Variants in TSPEAR observed in about 807,000 individuals in gnomAD.
TSPEAR encodes the protein thrombospondin type laminin G domain and EAR repeats.
A neutral mutation model predicts 71.6 loss-of-function variants in TSPEAR; 69 were observed. The ratio of observed to expected loss-of-function variants is 0.96; its 90% CI spans 0.79 to 1.18. The LOEUF (loss-of-function observed/expected upper bound fraction) is 1.18, where lower values mean the gene tolerates loss of function less well. Among genes scored for constraint, TSPEAR ranks in the 50% most tolerant of loss-of-function variants. TSPEAR has a pLI of 0.00. For missense variants in TSPEAR, 971 were observed against 894.9 expected, an observed-to-expected ratio of 1.09 and a Z score of -1.09; for synonymous variants, 402 against 387.2, an observed-to-expected ratio of 1.04 and a Z score of -0.45.
At chr21:44,677,613 G>C in intron 1 of TSPEAR, 1 of 1,115,702 alleles carries the variant, frequency 9.0e-7, no homozygotes. Context: ...AGGGTGATCA[G>C]TTTTTAAAGA....
chr21:44,674,679 G>A (rs138318679), intron 1 of TSPEAR, among the ~76,000 whole-genome samples: 2 of 151,588 alleles, frequency 1.3e-5, no homozygotes, highest in Non-Finnish European at 2.9e-5. Context: ...ACCACACCAC[G>A]ACTGGGTCAT....
intron 1 of TSPEAR, among the ~76,000 whole-genome samples, chr21:44,572,353 G>A (rs233281): frequency 0.21 from 31,314 of 152,126 alleles, 3,631 homozygotes; most frequent in Non-Finnish European, 0.25. Context: ...ACAGAGCAGC[G>A]CTGCTTTCTC....
intron 1 of TSPEAR, chr21:44,676,511 C>T (rs1986319554): frequency 1.3e-6 from 1 of 780,218 alleles, no homozygotes; most frequent in Non-Finnish European, 2.3e-6. Context: ...CTGAGTCTGG[C>T]ATAGGCGGTA....
At chr21:44,598,833 T>C (rs952023880) in intron 1 of TSPEAR, among the ~76,000 whole-genome samples, 3 of 152,220 alleles carry the variant, frequency 2.0e-5, no homozygotes, top group Admixed American at 6.5e-5. Flanking sequence ...TCCCCTTTCA[T>C]AGTTACTGTA....
At chr21:44,620,004 A>G (rs587660347) in intron 1 of TSPEAR, among the ~76,000 whole-genome samples, 5 of 152,390 alleles carry the variant, frequency 3.3e-5, no homozygotes, top group South Asian at 2.1e-4. Context: ...AAACACATCA[A>G]TCTAACTCAG....
intron 2 of TSPEAR, among the ~76,000 whole-genome samples, chr21:44,544,327 C>T (rs233322): frequency 0.25 from 37,860 of 151,734 alleles, 5,256 homozygotes; most frequent in East Asian, 0.38. Context: ...CTTTTAGGGG[C>T]TAGGGTGGGG....
intron 1 of TSPEAR, chr21:44,677,848 G>A: frequency 7.6e-7 from 1 of 1,317,882 alleles, no homozygotes; most frequent in Non-Finnish European, 1.1e-6. Context: ...TCTGAGTAAG[G>A]TATGGTTTTC....
intron 1 of TSPEAR, chr21:44,573,687 G>A: frequency 6.4e-7 from 1 of 1,567,766 alleles, no homozygotes; most frequent in Non-Finnish European, 8.7e-7. Context: ...ACAAACCCGA[G>A]CACCTCACTC....
intron 9 of TSPEAR, among the ~76,000 whole-genome samples, chr21:44,513,990 G>A (rs963811349): frequency 7.9e-5 from 12 of 152,136 alleles, no homozygotes; most frequent in Admixed American, 6.5e-4. Context: ...ACTCTTGGGT[G>A]CCCCCCGTGC....
Position 44,612,292 on chromosome 21 carries a change from C to G in TSPEAR, c.83-44287G>C, listed in dbSNP as rs782028336. 1.2e-6 allele frequency: 2 copies of G among 1,613,456 alleles called. No homozygotes were observed. Among genetic ancestry groups the G allele is most frequent in the African/African-American group, 2.7e-5 (2 of 74,926 alleles). On this transcript the variant is annotated intron_variant, in intron 1 of 11. Coordinates refer to ENST00000323084, the MANE Select transcript of TSPEAR (RefSeq NM_144991.3). The surrounding 1 kb of genome is among the most constrained non-coding windows in gnomAD (Gnocchi z 4.1). ...GTGCCTCCAGCTGCTGTACCCCTAGCTGCTGTGCCCCAGCCCCCTGCCTGG... is the reference window on the plus strand; with the variant it reads ...GTGCCTCCAGCTGCTGTACCCCTAGGTGCTGTGCCCCAGCCCCCTGCCTGG...
intron 1 of TSPEAR, among the ~76,000 whole-genome samples, chr21:44,664,449 A>G (rs587735065): frequency 6.6e-6 from 1 of 152,240 alleles, no homozygotes; most frequent in African/African-American, 2.4e-5. Context: ...AAATAAATAG[A>G]CCATGTTATG....
intron 9 of TSPEAR, among the ~76,000 whole-genome samples, chr21:44,511,841 A>C (rs2052390230): frequency 6.6e-6 from 1 of 152,102 alleles, no homozygotes; most frequent in Non-Finnish European, 1.5e-5. Context: ...GTGATGGGGG[A>C]CCCCGAGCTG....
chr21:44,520,345 T>C lies in TSPEAR; in HGVS notation c.1566+1538A>G, dbSNP rs2052709169. ...CCCAACTTTCCCAGCCCTCACTTCC[T>C]CCTGGTGAGGGCTGGGAAAGTGGGG... On this transcript the variant is annotated intron_variant, in intron 9 of 11. Coordinates refer to ENST00000323084, the MANE Select transcript of TSPEAR (RefSeq NM_144991.3). This position sits in a 1 kb window ranked among gnomAD's most constrained non-coding sequence, Gnocchi z 4.2. 6.6e-6 allele frequency: 1 copy of C among 151,770 alleles called. No individual in the cohort carries two copies. The highest frequency in any genetic ancestry group is 2.1e-4 in the South Asian group (1 of 4,804). The allele number at this position is 151,770 out of a possible 1,614,324, so 9.4% of individuals were successfully genotyped here. A position where few individuals can be genotyped will look rare whatever the true frequency, so the allele number is the denominator to read the frequency against.
In TSPEAR at chr21:44,525,818, A is replaced by T; in HGVS notation, c.1171T>A (p.Phe391Ile). 1 of 1,614,034 alleles carries T rather than the reference A, an allele frequency of 6.2e-7. No individual in the cohort carries two copies. Among genetic ancestry groups the T allele is most frequent in the Non-Finnish European group, 8.5e-7 (1 of 1,180,020 alleles). Reference sequence around the variant, plus strand: ...TCCTGACCCTTCTCATCTGGTTCAAAATTAGCCACTGCCAGGAAGATCTGA... The same window carrying T: ...TCCTGACCCTTCTCATCTGGTTCAATATTAGCCACTGCCAGGAAGATCTGA... Reference protein sequence around the residue: ...GKKIFLAVANFEPDEKGQEFS... With the variant: ...GKKIFLAVANIEPDEKGQEFS... The change falls in exon 8 of 12, where the codon TTT becomes ATT. Residue 391 changes from phenylalanine (F) to isoleucine (I), a missense_variant. Physicochemically the swap from Phe to Ile is conservative, Grantham distance 21. Coordinates refer to ENST00000323084, the MANE Select transcript of TSPEAR (RefSeq NM_144991.3).
intron 8 of TSPEAR, among the ~76,000 whole-genome samples, chr21:44,525,217 GTCAA>G (rs1197639760): frequency 7.2e-5 from 11 of 152,240 alleles, no homozygotes; most frequent in East Asian, 1.9e-4. Flanking sequence ...CATTCAGGTC[GTCAA>G]TCAGTCAGTC....
chr21:44,649,960 G>T (rs1390042273), intron 1 of TSPEAR, among the ~76,000 whole-genome samples: 2 of 152,212 alleles, frequency 1.3e-5, no homozygotes, highest in Non-Finnish European at 2.9e-5. Flanking sequence ...CGTGGCGCAT[G>T]CCTGTAATCT....
chr21:44,657,119 C>A (rs781902435), intron 1 of TSPEAR, among the ~76,000 whole-genome samples: 1 of 152,086 alleles, frequency 6.6e-6, no homozygotes, highest in South Asian at 2.1e-4. Flanking sequence ...TCCTCACAGA[C>A]GCCCCCCAGA....
chr21:44,682,044 G>A (rs1986626022), intron 1 of TSPEAR: 1 of 1,614,090 alleles, frequency 6.2e-7, no homozygotes, highest in Non-Finnish European at 8.5e-7. Flanking sequence ...GCAGCCCACG[G>A]GGATGTAACA....
chr21:44,612,403 G>C lies in TSPEAR; in HGVS notation c.83-44398C>G, dbSNP rs1555931308. 6.2e-7 allele frequency: 1 copy of C among 1,614,010 alleles called. No individual in the cohort carries two copies. Among genetic ancestry groups the C allele is most frequent in the Admixed American group, 1.7e-5 (1 of 60,004 alleles). ...CCTGCACACCTTCATGCTGCCAGCA[G>C]TCTAGCTGCCAGCCGGCTTGCTGCA... On this transcript the variant is annotated intron_variant, in intron 1 of 11. Transcript: ENST00000323084. The surrounding 1 kb of genome is among the most constrained non-coding windows in gnomAD (Gnocchi z 4.1).
Sources: gnomAD v4.1 joint callset for allele counts (sites outside exome capture counted in the v4.1 genomes callset) on GRCh38, gnomAD v4.1.1 for gene constraint, Gnocchi (gnomAD v3.1) non-coding constraint, MANE v1.5 for transcripts, NCBI Gene and HGNC (gene_info 2026-07-23, HGNC 2026-07-21) for gene names.